The following CLTRN variants were observed in gnomAD, a reference collection of about 807,000 sequenced individuals.
CLTRN encodes collectrin.
In CLTRN, 12 loss-of-function variants were observed where a neutral mutation model predicts 14.5. The observed-to-expected ratio is 0.83, with a 90% CI of 0.53 to 1.34. The LOEUF (loss-of-function observed/expected upper bound fraction) is 1.34, where lower values mean the gene tolerates loss of function less well. Among genes scored for constraint, CLTRN ranks in the 40% most tolerant of loss-of-function variants. The pLI is 0.00. For synonymous variants in CLTRN, 58 were observed against 56.5 expected, an observed-to-expected ratio of 1.03 and a Z score of -0.12; for missense variants, 154 against 165.1, an observed-to-expected ratio of 0.93 and a Z score of 0.37.
intron 3 of CLTRN, among the ~76,000 whole-genome samples, chrX:15,645,327 C>A (rs1323863666): frequency 9.0e-6 from 1 of 111,249 alleles, no homozygotes; most frequent in African/African-American, 3.3e-5. Flanking sequence ...TTGGTGACAG[C>A]CCCCGTTTCC....
chrX:15,667,169 G>A (rs1357576631), upstream of CLTRN, among the ~76,000 whole-genome samples: 4 of 111,473 alleles, frequency 3.6e-5, no homozygotes, highest in Non-Finnish European at 5.7e-5. Context: ...CCCGGGAGGC[G>A]GAGCTTGCAG....
At chrX:15,662,228 C>T (rs1476154515) in intron 2 of CLTRN, among the ~76,000 whole-genome samples, 2 of 109,406 alleles carry the variant, frequency 1.8e-5, no homozygotes, top group African/African-American at 6.7e-5. Flanking sequence ...CTCACTCTCA[C>T]TAAATGGTTT....
At chrX:15,664,588 ACACT>A (rs1929580282) in intron 1 of CLTRN, 126 bp downstream of exon 1, 7 of 712,666 alleles carry the variant, frequency 9.8e-6, no homozygotes, top group Non-Finnish European at 1.5e-5. Context: ...AACTCATTAA[ACACT>A]CACTGCCCCA....
chrX:15,672,539 CA>C (rs1929738376), intron 1 of CLTRN, among the ~76,000 whole-genome samples: 1 of 110,849 alleles, frequency 9.0e-6, no homozygotes, highest in Non-Finnish European at 1.9e-5. Context: ...GATCAGACCA[CA>C]TAACTTTTAG....
chrX:15,631,493 T>A (rs1391928493), intron 5 of CLTRN, among the ~76,000 whole-genome samples: 1 of 112,146 alleles, frequency 8.9e-6, no homozygotes, highest in Non-Finnish European at 1.9e-5. Flanking sequence ...TAGACGTATG[T>A]GATGATCATT....
intron 3 of CLTRN, among the ~76,000 whole-genome samples, chrX:15,645,555 A>G (rs1012876765): frequency 8.9e-6 from 1 of 112,050 alleles, no homozygotes; most frequent in Non-Finnish European, 1.9e-5. Context: ...TTTTGAAGAA[A>G]AAGTTCTCAA....
chrX:15,638,917 T>C (rs976330666), intron 5 of CLTRN, among the ~76,000 whole-genome samples: 3 of 112,138 alleles, frequency 2.7e-5, no homozygotes, highest in Non-Finnish European at 5.6e-5. Flanking sequence ...TTCATTAAAA[T>C]GCATCCCTTC....
At chrX:15,666,858 A>G (rs952395156), upstream of CLTRN, among the ~76,000 whole-genome samples, 2 of 112,645 alleles carry the variant, frequency 1.8e-5, no homozygotes, top group Non-Finnish European at 3.7e-5. Flanking sequence ...TAAAGTCATC[A>G]TGGGAAGGAA....
At chrX:15,643,823 C>A (rs1466350277) in intron 4 of CLTRN, among the ~76,000 whole-genome samples, 1 of 112,357 alleles carries the variant, frequency 8.9e-6, no homozygotes, top group African/African-American at 3.2e-5. Flanking sequence ...TAACATTTTA[C>A]AGAGAGCTAA....
chrX:15,631,742 C>T (rs780795875), intron 5 of CLTRN, among the ~76,000 whole-genome samples: 1 of 112,209 alleles, frequency 8.9e-6, no homozygotes, highest in African/African-American at 3.2e-5. Flanking sequence ...AACCATAGAT[C>T]CAGTTGCAGA....
At chrX:15,671,882 AC>A (rs749605161) in intron 1 of CLTRN, among the ~76,000 whole-genome samples, 1,228 of 59,145 alleles carry the variant, frequency 0.021, 10 homozygotes, top group Admixed American at 0.038. Context: ...ACACACACAC[AC>A]AATTTCCAGT....
chrX:15,654,952 C>T (rs1250796328), intron 3 of CLTRN, among the ~76,000 whole-genome samples: 1 of 112,494 alleles, frequency 8.9e-6, no homozygotes, highest in Non-Finnish European at 1.9e-5. Flanking sequence ...CCTTTGGGCA[C>T]TCTGTCAGCT....
At chrX:15,652,398 C>A (rs1413280819) in intron 3 of CLTRN, among the ~76,000 whole-genome samples, 1 of 107,285 alleles carries the variant, frequency 9.3e-6, no homozygotes, top group African/African-American at 3.4e-5. Flanking sequence ...AAACAAAATT[C>A]TAATTTATTG....
chrX:15,671,930 T>A (rs989205150), intron 1 of CLTRN, among the ~76,000 whole-genome samples: 2 of 110,747 alleles, frequency 1.8e-5, no homozygotes, highest in Non-Finnish European at 3.8e-5. Flanking sequence ...ATGTGGAATA[T>A]TTTTGTCTCC....
chrX:15,641,579 C>T (rs904944887), intron 4 of CLTRN, among the ~76,000 whole-genome samples: 4 of 109,575 alleles, frequency 3.7e-5, no homozygotes, highest in Non-Finnish European at 7.6e-5. Context: ...CTCAAGCAAT[C>T]CTCCTGCATC....
At chrX:15,651,598 T>C (rs1218910648) in intron 3 of CLTRN, among the ~76,000 whole-genome samples, 2 of 111,572 alleles carry the variant, frequency 1.8e-5, no homozygotes, top group Admixed American at 1.9e-4. Context: ...TTTAATTTGA[T>C]CAGTTGCAGG....
chrX:15,666,362 G>A (rs953951687), upstream of CLTRN, among the ~76,000 whole-genome samples: 5 of 111,757 alleles, frequency 4.5e-5, no homozygotes, highest in Non-Finnish European at 9.4e-5. Context: ...CCCGCCCAGA[G>A]GTTGATGTCA....
intron 1 of CLTRN, 28 bp downstream of exon 1, chrX:15,664,690 T>G: frequency 8.6e-7 from 1 of 1,159,325 alleles, no homozygotes; most frequent in Non-Finnish European, 1.2e-6. Context: ...AAACTGTTCA[T>G]CTATTTTTAA....
At chrX:15,673,164 C>A (rs1282027229) in intron 1 of CLTRN, among the ~76,000 whole-genome samples, 1 of 112,566 alleles carries the variant, frequency 8.9e-6, no homozygotes, top group Non-Finnish European at 1.9e-5. Flanking sequence ...TTTAAAAAAA[C>A]AAACAGTGCT....
Sources: gnomAD v4.1 joint callset for allele counts (sites outside exome capture counted in the v4.1 genomes callset) on GRCh38, gnomAD v4.1.1 for gene constraint, MANE v1.5 for transcripts, NCBI Gene and HGNC (gene_info 2026-07-23, HGNC 2026-07-21) for gene names.